NECAB2: variants seen among roughly 807,000 people sequenced by gnomAD.
NECAB2 encodes the protein N-terminal EF-hand calcium-binding protein 2.
In NECAB2, 68 loss-of-function variants were observed where a neutral mutation model predicts 51.9. The observed-to-expected ratio is 1.31, with a 90% CI of 1.08 to 1.60. NECAB2 has a LOEUF of 1.60. Ranked by LOEUF, NECAB2 falls within the 40% of genes most tolerant of loss-of-function variation. The pLI, the probability that NECAB2 is intolerant of heterozygous loss-of-function variation, is 0.00. For missense variants in NECAB2, 854 were observed against 490.3 expected (o/e 1.74, Z -7.00); for synonymous variants, 329 against 203.5 (o/e 1.62, Z -5.25).
chr16:84,000,739 G>C lies in NECAB2; in HGVS notation c.978G>C (p.Arg326Ser). Residue 326 changes from arginine (R) to serine (S), a missense_variant, in exon 11 of 13, where the codon AGG (arginine) becomes AGC (serine). Coordinates refer to ENST00000305202, the MANE Select transcript of NECAB2 (RefSeq NM_019065.3). Reference sequence around the variant, plus strand: ...CCTGTTGCAGCATCACTGCCGTGAGGCTCTCAGATGGCTTCACCTTTGTCA... The same window carrying C: ...CCTGTTGCAGCATCACTGCCGTGAGCCTCTCAGATGGCTTCACCTTTGTCA... Reference protein sequence around the residue: ...VRNCFHITAVRLSDGFTFVIY... With the variant: ...VRNCFHITAVSLSDGFTFVIY... 6.2e-7 allele frequency: 1 copy of C among 1,613,824 alleles called. No individual in the cohort carries two copies. Among genetic ancestry groups the C allele is most frequent in the South Asian group, 1.1e-5 (1 of 91,082 alleles).
chr16:83,993,052 G>C (rs1449506642), intron 6 of NECAB2, among the ~76,000 whole-genome samples: 1 of 152,196 alleles, frequency 6.6e-6, no homozygotes, highest in Non-Finnish European at 1.5e-5. Context: ...GATGTTGTCA[G>C]ACGGGGCAGC....
intron 11 of NECAB2, 61 bp from the exon 12 acceptor site, chr16:84,001,764 G>A (rs1245038002): frequency 1.3e-6 from 2 of 1,571,074 alleles, no homozygotes; most frequent in Non-Finnish European, 1.7e-6. Flanking sequence ...GATTAACAGG[G>A]GAGCCACACG....
intron 1 of NECAB2, 51 bp downstream of exon 1, chr16:83,968,900 A>C: frequency 1.9e-6 from 2 of 1,036,710 alleles, no homozygotes; most frequent in Non-Finnish European, 2.3e-6. Flanking sequence ...TGGGACCCGG[A>C]GCCCCCTCCG....
chr16:83,985,313 C>CAAAAAAAAAAAA lies in NECAB2; in HGVS notation c.459+4208_459+4219dup, dbSNP rs71148868. On this transcript the variant is annotated intron_variant, in intron 5 of 12. Transcript: ENST00000305202. Reference sequence around the variant, plus strand: ...GGACAACAAGAGCAAATCTCTGTCTCAAAAAAAAAAAAAAAAAAAAAAAAA... The same window carrying CAAAAAAAAAAAA: ...GGACAACAAGAGCAAATCTCTGTCTCAAAAAAAAAAAAAAAAAAAAAAAAAAAAAAAAAAAAA... Among the ~76,000 whole-genome samples the CAAAAAAAAAAAA allele has an allele frequency of 5.0e-4, 15 of 30,190 alleles. 2 individuals carry two copies. The highest frequency in any genetic ancestry group is 7.9e-4 in the African/African-American group (11 of 13,898). 19.8% of individuals were successfully genotyped at this position (30,190 alleles called of 152,430 possible). A position where few individuals can be genotyped will look rare whatever the true frequency, so the allele number is the denominator to read the frequency against.
chr16:84,001,440 G>C lies in NECAB2; in HGVS notation c.1041-385G>C, dbSNP rs564901278. ...GAACAGGGGCGGTCATGAGAAGTGA[G>C]AGTGTCCCCTCCCTGTCCGTACTTC... On this transcript the variant is annotated intron_variant, in intron 11 of 12. Coordinates refer to ENST00000305202, the MANE Select transcript of NECAB2 (RefSeq NM_019065.3). Among the ~76,000 whole-genome samples the C allele has an allele frequency of 8.7e-4, 133 of 152,250 alleles. 4 individuals are homozygous for C. Among genetic ancestry groups the C allele is most frequent in the Non-Finnish European group, 6.9e-4 (47 of 68,012 alleles).
chr16:83,985,660 G>C (rs2084543944), intron 5 of NECAB2, among the ~76,000 whole-genome samples: 1 of 151,798 alleles, frequency 6.6e-6, no homozygotes, highest in South Asian at 2.1e-4. Context: ...ATTACTGTTG[G>C]CGTTCCCATA....
intron 5 of NECAB2, among the ~76,000 whole-genome samples, chr16:83,990,096 C>T (rs1597214397): frequency 6.6e-6 from 1 of 152,194 alleles, no homozygotes; most frequent in African/African-American, 2.4e-5. Flanking sequence ...CAGTCACTAT[C>T]ACTGCCACCA....
Position 83,998,330 on chromosome 16 carries a change from C to G in NECAB2, c.962+13C>G. ...GGAACTGCTTCCAGTGAGTGAGCTG[C>G]CGAGGCGTGGGTGGGATGGTGGCAG... On this transcript the variant is annotated intron_variant, in intron 10 of 12. Coordinates refer to ENST00000305202, the MANE Select transcript of NECAB2 (RefSeq NM_019065.3). 1 of 1,611,554 alleles carries G rather than the reference C, an allele frequency of 6.2e-7. No individual in the cohort carries two copies. Among genetic ancestry groups the G allele is most frequent in the South Asian group, 1.1e-5 (1 of 90,830 alleles).
At chr16:83,998,949 C>T (rs149537212) in intron 10 of NECAB2, among the ~76,000 whole-genome samples, 1 of 152,152 alleles carries the variant, frequency 6.6e-6, no homozygotes, top group Admixed American at 6.5e-5. Flanking sequence ...AGACAACAGC[C>T]CTTTGTTCTT....
chr16:83,999,781 G>A (rs1362863588), intron 10 of NECAB2, among the ~76,000 whole-genome samples: 1 of 152,180 alleles, frequency 6.6e-6, no homozygotes, highest in Non-Finnish European at 1.5e-5. Flanking sequence ...GCCTCCTTTG[G>A]TCAGGTCAGG....
chr16:83,984,347 T>G (rs2084525807), intron 5 of NECAB2, among the ~76,000 whole-genome samples: 1 of 151,500 alleles, frequency 6.6e-6, no homozygotes, highest in African/African-American at 2.4e-5. Flanking sequence ...CAATCAGTCA[T>G]GCATGGAATG....
intron 5 of NECAB2, among the ~76,000 whole-genome samples, chr16:83,981,805 C>G (rs2084492975): frequency 6.6e-6 from 1 of 152,132 alleles, no homozygotes; most frequent in Non-Finnish European, 1.5e-5. Flanking sequence ...GCACACTGGT[C>G]CAGGCCCACG....
intron 3 of NECAB2, 61 bp from the exon 4 acceptor site, chr16:83,980,778 G>T (rs1340836164): frequency 1.3e-6 from 2 of 1,538,736 alleles, no homozygotes; most frequent in Non-Finnish European, 1.8e-6. Context: ...GGCTGTGCAG[G>T]GTCAGGCCTG....
intron 9 of NECAB2, among the ~76,000 whole-genome samples, 184 bp from the exon 10 acceptor site, chr16:83,998,021 C>T (rs796974158): frequency 7.8e-4 from 118 of 152,212 alleles, no homozygotes; most frequent in African/African-American, 2.6e-3. Context: ...GCACTGGGCT[C>T]TTGAGGTTCT....
At position 83,993,207 on chromosome 16, in the gene NECAB2, G is replaced by GC. The variant is rs143176068; in HGVS notation, c.597-1094dup. 7.3e-3 allele frequency among the ~76,000 whole-genome samples: 1,118 copies of GC among 152,248 alleles called. 9 individuals carry two copies. Among genetic ancestry groups the GC allele is most frequent in the African/African-American group, 0.025 (1,030 of 41,538 alleles). The stretch of plus-strand genomic sequence containing the variant: ...TCCCAGGATGTCACCTCTAGCACAG[G>GC]CTACTGGCTCAGACCCCACCACCCG... On this transcript the variant is annotated intron_variant, in intron 6 of 12. Transcript: ENST00000305202.
At chr16:83,999,722 G>GGACTT (rs1226902871) in intron 10 of NECAB2, among the ~76,000 whole-genome samples, 5 of 152,070 alleles carry the variant, frequency 3.3e-5, no homozygotes, top group Non-Finnish European at 7.4e-5. Flanking sequence ...GAGCAATGGG[G>GGACTT]GACTTGCCTG....
rs1018025264 is a variant in NECAB2 at position 83,968,640 on chromosome 16, C to T, written c.-9C>T. On this transcript the variant is annotated 5_prime_UTR_variant, in exon 1 of 13. Coordinates refer to ENST00000305202, the MANE Select transcript of NECAB2 (RefSeq NM_019065.3). ...CGGGCTTCCGGGCGGCGGCGGCGGG[C>T]GCGGCGCGATGTGCGAGCGGGCGGC... 6.1e-6 allele frequency: 6 copies of T among 979,096 alleles called. No individual in the cohort carries two copies. The highest frequency in any genetic ancestry group is 7.2e-6 in the Non-Finnish European group (6 of 827,600). 60.7% of individuals were successfully genotyped at this position (979,096 alleles called of 1,614,324 possible).
chr16:84,000,967 G>C (rs1311003648), intron 11 of NECAB2, among the ~76,000 whole-genome samples, 166 bp downstream of exon 11: 1 of 135,366 alleles, frequency 7.4e-6, no homozygotes, highest in Non-Finnish European at 1.5e-5. Flanking sequence ...CCTGGTGGAG[G>C]CAGGAGCTCT....
At chr16:83,974,377 T>C (rs1238660368) in intron 2 of NECAB2, among the ~76,000 whole-genome samples, 1 of 152,204 alleles carries the variant, frequency 6.6e-6, no homozygotes, top group Non-Finnish European at 1.5e-5. Flanking sequence ...GTTGCTCTCC[T>C]GGCTTCGCTC....
Sources: gnomAD v4.1 joint callset for allele counts (sites outside exome capture counted in the v4.1 genomes callset) on GRCh38, gnomAD v4.1.1 for gene constraint, MANE v1.5 for transcripts, NCBI Gene and HGNC (gene_info 2026-07-23, HGNC 2026-07-21) for gene names.